The following AK5 variants were observed in gnomAD, a reference collection of about 807,000 sequenced individuals.
The protein encoded by AK5 is adenylate kinase isoenzyme 5.
In AK5, 27 loss-of-function variants were observed where a neutral mutation model predicts 69.5. That is an observed-to-expected ratio of 0.39 (90% confidence interval 0.29 to 0.54). The LOEUF is 0.54. AK5 is among the 20% of genes least tolerant of loss of function. The probability of loss-of-function intolerance (pLI) is 0.71; values close to 1 mark genes in which losing one functional copy is unlikely to be tolerated. For missense variants in AK5, 531 were observed against 700.4 expected, an observed-to-expected ratio of 0.76 and a Z score of 2.73; for synonymous variants, 260 against 244.4, an observed-to-expected ratio of 1.06 and a Z score of -0.60.
chr1:77,517,761 A>G (rs1657752156), intron 10 of AK5, among the ~76,000 whole-genome samples: 1 of 152,224 alleles, frequency 6.6e-6, no homozygotes, highest in African/African-American at 2.4e-5. Context: ...ATAATCTTCA[A>G]ATGTGTCAAG....
chr1:77,526,605 AG>A (rs1658306939), intron 12 of AK5, among the ~76,000 whole-genome samples: 2 of 147,412 alleles, frequency 1.4e-5, no homozygotes, highest in Admixed American at 7.0e-5. Flanking sequence ...CCTCCCAAGT[AG>A]CTGGGACTAC....
chr1:77,377,352 T>G (rs993852221), intron 6 of AK5, among the ~76,000 whole-genome samples: 1 of 152,186 alleles, frequency 6.6e-6, no homozygotes, highest in Admixed American at 6.5e-5. Flanking sequence ...CCTAAGATGC[T>G]TATGTCAAAA....
intron 6 of AK5, among the ~76,000 whole-genome samples, chr1:77,358,018 T>TGTGTGTGTGTGTGAGAGAGAGAGAGA: frequency 2.3e-5 from 3 of 128,272 alleles, no homozygotes; most frequent in African/African-American, 8.3e-5. Flanking sequence ...TGTGTGTGTG[T>TGTGTGTGTGTGTGAGAGAGAGAGAGA]GAGAGAGAGA....
In AK5 at chr1:77,395,768, A is replaced by G. The variant is rs368515536; in HGVS notation, c.892-15213A>G. Among the ~76,000 whole-genome samples the G allele has an allele frequency of 1.4e-3, 209 of 152,366 alleles. 1 individual carries two copies. The highest frequency in any genetic ancestry group is 2.3e-3 in the Non-Finnish European group (156 of 68,030). On this transcript the variant is annotated intron_variant, in intron 6 of 13. Transcript: ENST00000354567. Reference sequence around the variant, plus strand: ...AGGTTGAGCCAGGACACATATAAACAGGTTTCGATGGGATGAGAAGTTATT... The same window carrying G: ...AGGTTGAGCCAGGACACATATAAACGGGTTTCGATGGGATGAGAAGTTATT...
At chr1:77,468,673 G>A (rs1055866358) in intron 8 of AK5, among the ~76,000 whole-genome samples, 14 of 152,302 alleles carry the variant, frequency 9.2e-5, no homozygotes, top group South Asian at 4.1e-4. Context: ...AGAGCAGGCC[G>A]GTTTCCTTGG....
rs1570324079 is a variant in AK5 at position 77,293,768 on chromosome 1, TCAAAG to T, written c.248-24_248-20del. 3 of 1,567,260 alleles carry T rather than the reference TCAAAG, an allele frequency of 1.9e-6. No individual in the cohort carries two copies. Among genetic ancestry groups the T allele is most frequent in the Admixed American group, 4.1e-5 (2 of 49,190 alleles). ...GTTTTATTATGGTGTTTTTTCCTTT[TCAAAG>T]TTATCTTACTCTTTTGCAGTAATGC... is the stretch of plus-strand genomic sequence containing the variant. On this transcript the variant is annotated intron_variant, in intron 2 of 13. Coordinates refer to ENST00000354567, the MANE Select transcript of AK5 (RefSeq NM_174858.3).
chr1:77,422,832 T>G (rs1171057449), intron 8 of AK5, among the ~76,000 whole-genome samples: 3 of 152,222 alleles, frequency 2.0e-5, no homozygotes, highest in Non-Finnish European at 4.4e-5. Context: ...TTCCAGTTCT[T>G]CTACTTAATG....
intron 10 of AK5, among the ~76,000 whole-genome samples, chr1:77,502,619 T>TA (rs1019008686): frequency 2.6e-5 from 4 of 151,696 alleles, no homozygotes; most frequent in Admixed American, 6.6e-5. Context: ...ATTTGGCTTT[T>TA]AAAAAAAAAG....
intron 12 of AK5, 36 bp from the exon 13 acceptor site, chr1:77,535,811 G>T: frequency 6.3e-7 from 1 of 1,583,766 alleles, no homozygotes; most frequent in South Asian, 1.1e-5. Context: ...GCAGGGTGAG[G>T]TTTCTGACTG....
intron 8 of AK5, among the ~76,000 whole-genome samples, chr1:77,423,137 C>T (rs993966171): frequency 2.0e-5 from 3 of 146,616 alleles, no homozygotes; most frequent in African/African-American, 7.6e-5. Context: ...AGGAGAATGG[C>T]GTGAACCCGG....
chr1:77,499,197 G>A (rs896229839), intron 10 of AK5, among the ~76,000 whole-genome samples: 9 of 152,190 alleles, frequency 5.9e-5, no homozygotes, highest in African/African-American at 2.2e-4. Flanking sequence ...ACTTGCTCCA[G>A]GCTCCTCTGA....
At chr1:77,292,779 G>C (rs1223104089) in intron 2 of AK5, among the ~76,000 whole-genome samples, 10 of 152,144 alleles carry the variant, frequency 6.6e-5, no homozygotes. Flanking sequence ...GTCTTTCAAA[G>C]TTCAGGTCCT....
At chr1:77,493,725 C>T (rs1656135567) in intron 10 of AK5, among the ~76,000 whole-genome samples, 2 of 152,130 alleles carry the variant, frequency 1.3e-5, no homozygotes, top group Admixed American at 1.3e-4. Flanking sequence ...AGGCCCGACA[C>T]CTGTATTTTC....
chr1:77,364,930 T>A (rs1357763083), intron 6 of AK5, among the ~76,000 whole-genome samples: 1 of 152,160 alleles, frequency 6.6e-6, no homozygotes, highest in Non-Finnish European at 1.5e-5. Flanking sequence ...CTTTTATTGT[T>A]TTTGAGGAGC....
At chr1:77,549,141 C>G (rs1022501133) in intron 13 of AK5, among the ~76,000 whole-genome samples, 3 of 151,814 alleles carry the variant, frequency 2.0e-5, no homozygotes, top group African/African-American at 7.3e-5. Context: ...CTCCCAAAGT[C>G]CTGGGATTAC....
At chr1:77,533,506 CACCAAA>C (rs1658770699) in intron 12 of AK5, among the ~76,000 whole-genome samples, 1 of 67,506 alleles carries the variant, frequency 1.5e-5, no homozygotes, top group Non-Finnish European at 2.9e-5. Flanking sequence ...AAGACTCTGT[CACCAAA>C]AAAAAAAAAA....
At chr1:77,524,198 G>A (rs910651350) in intron 12 of AK5, among the ~76,000 whole-genome samples, 6 of 152,088 alleles carry the variant, frequency 3.9e-5, no homozygotes, top group African/African-American at 1.4e-4. Flanking sequence ...TAGAGACTGG[G>A]GTTGCTTTCA....
intron 8 of AK5, among the ~76,000 whole-genome samples, chr1:77,425,603 A>G (rs1292869412): frequency 6.6e-6 from 1 of 152,216 alleles, no homozygotes; most frequent in Non-Finnish European, 1.5e-5. Context: ...AAGAAAAGAA[A>G]AGAAAAATGA....
chr1:77,431,020 G>A (rs1651602639), intron 8 of AK5, among the ~76,000 whole-genome samples: 1 of 152,176 alleles, frequency 6.6e-6, no homozygotes, highest in South Asian at 2.1e-4. Flanking sequence ...ACTGGCATGA[G>A]ACCAAAAGAG....
Sources: allele counts gnomAD v4.1 joint callset (sites outside exome capture counted in the v4.1 genomes callset), GRCh38; gene constraint gnomAD v4.1.1; transcripts MANE v1.5; gene names NCBI Gene and HGNC (gene_info 2026-07-23, HGNC 2026-07-21).